Variants in ZDHHC14 observed in about 807,000 individuals in gnomAD.
ZDHHC14 encodes the protein palmitoyltransferase ZDHHC14.
A neutral mutation model predicts 47.7 loss-of-function variants in ZDHHC14; 16 were observed. The ratio of observed to expected loss-of-function variants is 0.34; its 90% CI spans 0.23 to 0.51. ZDHHC14 has a LOEUF of 0.51. ZDHHC14 is among the 20% of genes least tolerant of loss of function. ZDHHC14 has a pLI of 0.97. For synonymous variants in ZDHHC14, 293 were observed against 278.9 expected, an observed-to-expected ratio of 1.05 and a Z score of -0.50; for missense variants, 515 against 662.5, an observed-to-expected ratio of 0.78 and a Z score of 2.44.
Position 157,653,592 on chromosome 6 carries a change from A to G in ZDHHC14, c.1033A>G (p.Thr345Ala). 1 of 1,613,928 alleles carries G rather than the reference A, an allele frequency of 6.2e-7. No homozygotes were observed. The highest frequency in any genetic ancestry group is 1.7e-5 in the Admixed American group (1 of 60,024). ...GCCAGCAGCACCCTCCAATGGCATC[A>G]CCATGTACGGGGCCACGCAGTCACA... ...PQPAAPSNGI[T>A]MYGATQSQSD... The change falls in exon 8 of 9, where the codon ACC becomes GCC. Residue 345 changes from threonine (T) to alanine (A), a missense_variant. By Grantham distance (58) the Thr-to-Ala change is moderately conservative. Coordinates refer to ENST00000359775, the MANE Select transcript of ZDHHC14 (RefSeq NM_024630.3).
chr6:157,653,460 T>G (rs1321220300), intron 7 of ZDHHC14, 65 bp from the exon 8 acceptor site: 1 of 1,563,802 alleles, frequency 6.4e-7, no homozygotes, highest in East Asian at 2.3e-5. Flanking sequence ...GAACCTGAGA[T>G]AGTGCTGCTG....
chr6:157,516,045 G>C (rs886692401), intron 1 of ZDHHC14, among the ~76,000 whole-genome samples: 1 of 152,262 alleles, frequency 6.6e-6, no homozygotes. Flanking sequence ...ACTACCTCCA[G>C]AGTAACCGCT....
At chr6:157,552,263 T>G (rs1782263701) in intron 2 of ZDHHC14, among the ~76,000 whole-genome samples, 1 of 151,678 alleles carries the variant, frequency 6.6e-6, no homozygotes, top group South Asian at 2.1e-4. Flanking sequence ...TTTGAGTGAG[T>G]GAGGGAGTGA....
intron 5 of ZDHHC14, among the ~76,000 whole-genome samples, chr6:157,638,516 G>A (rs1289522037): frequency 1.3e-5 from 2 of 152,044 alleles, no homozygotes; most frequent in Non-Finnish European, 2.9e-5. Flanking sequence ...AAAGGGACTG[G>A]GCCCTCTGTC....
At chr6:157,479,658 G>A (rs1779575194) in intron 1 of ZDHHC14, among the ~76,000 whole-genome samples, 1 of 152,252 alleles carries the variant, frequency 6.6e-6, no homozygotes, top group South Asian at 2.1e-4. Flanking sequence ...AACAGAAGTG[G>A]CATGGAGGTG....
intron 4 of ZDHHC14, chr6:157,630,329 G>A: frequency 6.6e-6 from 1 of 152,090 alleles, no homozygotes; most frequent in Non-Finnish European, 1.5e-5. Context: ...ATGCTTTTGT[G>A]TGTATTATGG....
At chr6:157,543,884 C>A (rs902708669) in intron 2 of ZDHHC14, among the ~76,000 whole-genome samples, 2 of 152,204 alleles carry the variant, frequency 1.3e-5, no homozygotes, top group African/African-American at 4.8e-5. Context: ...CAAGACAGGG[C>A]ATGCTAGTGC....
chr6:157,534,149 T>G (rs1253809575), intron 1 of ZDHHC14, among the ~76,000 whole-genome samples: 1 of 152,080 alleles, frequency 6.6e-6, no homozygotes, highest in Non-Finnish European at 1.5e-5. Context: ...CAGCTAAACC[T>G]TAGAATGCTG....
intron 5 of ZDHHC14, among the ~76,000 whole-genome samples, chr6:157,633,587 T>C (rs1776819669): frequency 6.6e-6 from 1 of 152,222 alleles, no homozygotes; most frequent in African/African-American, 2.4e-5. Flanking sequence ...GACCCAGTTC[T>C]CTTTCTTCCT....
In ZDHHC14 at chr6:157,381,223, C is replaced by G. The variant is rs1231379387; in HGVS notation, c.-799C>G. ...CAAACAAGTGTCTGTGCTGTGTCCC[C>G]GCGGCCCTCCTCGCGCCGGGGCCGC... On this transcript the variant is annotated 5_prime_UTR_variant, in exon 1 of 9. Coordinates refer to ENST00000359775, the MANE Select transcript of ZDHHC14 (RefSeq NM_024630.3). 6.6e-6 allele frequency: 1 copy of G among 151,310 alleles called. No homozygotes were observed. Among genetic ancestry groups the G allele is most frequent in the Non-Finnish European group, 1.5e-5 (1 of 67,818 alleles). 9.4% of individuals were successfully genotyped at this position (151,310 alleles called of 1,614,324 possible).
chr6:157,451,241 G>T (rs1448304538), intron 1 of ZDHHC14, among the ~76,000 whole-genome samples: 1 of 152,192 alleles, frequency 6.6e-6, no homozygotes, highest in Non-Finnish European at 1.5e-5. Context: ...ATCAATATCA[G>T]AAATAATAAC....
At chr6:157,423,787 C>A (rs776165273) in intron 1 of ZDHHC14, among the ~76,000 whole-genome samples, 2 of 152,214 alleles carry the variant, frequency 1.3e-5, no homozygotes, top group African/African-American at 4.8e-5. Context: ...TCTCACCACT[C>A]CAGGTGCCAT....
chr6:157,591,054 A>G (rs774288914), intron 2 of ZDHHC14, among the ~76,000 whole-genome samples: 50 of 152,216 alleles, frequency 3.3e-4, no homozygotes, highest in Non-Finnish European at 7.3e-5. Context: ...CATTTGGAAC[A>G]GGTTTATTTT....
At chr6:157,626,905 G>C (rs1188124427) in intron 3 of ZDHHC14, among the ~76,000 whole-genome samples, 1 of 150,436 alleles carries the variant, frequency 6.6e-6, no homozygotes, top group Non-Finnish European at 1.5e-5. Flanking sequence ...GGGGGGCGGC[G>C]GGGGCAGCAA....
At position 157,639,835 on chromosome 6, in the gene ZDHHC14, G is replaced by A. The variant is rs554426370; in HGVS notation, c.753-5902G>A. ...ACAGCTAGTGCCAATTTGGGGAGCC[G>A]TGGTGAGTTCTGTCTAAGATATGTT... is the stretch of plus-strand genomic sequence containing the variant. On this transcript the variant is annotated intron_variant, in intron 5 of 8. Transcript: ENST00000359775. Among the ~76,000 whole-genome samples the A allele has an allele frequency of 2.6e-5, 4 of 152,300 alleles. No individual in the cohort carries two copies. The South Asian group carries it at 6.2e-4, about 24-fold the overall frequency.
chr6:157,510,287 A>G (rs1780432257), intron 1 of ZDHHC14, among the ~76,000 whole-genome samples: 1 of 152,174 alleles, frequency 6.6e-6, no homozygotes, highest in Non-Finnish European at 1.5e-5. Flanking sequence ...TCCCTACTTC[A>G]GCTGCACACT....
chr6:157,628,941 CCA>C (rs1211639917), intron 4 of ZDHHC14, among the ~76,000 whole-genome samples: 8 of 152,186 alleles, frequency 5.3e-5, no homozygotes, highest in African/African-American at 1.7e-4. Flanking sequence ...AGAACAGTCA[CCA>C]GTCACCCTCC....
intron 8 of ZDHHC14, among the ~76,000 whole-genome samples, chr6:157,665,761 C>G (rs1365496032): frequency 6.6e-6 from 1 of 152,094 alleles, no homozygotes; most frequent in African/African-American, 2.4e-5. Context: ...TTAGTGTATC[C>G]TCTCTCACAA....
Position 157,653,532 on chromosome 6 carries a change from G to A in ZDHHC14, c.973G>A (p.Asp325Asn), listed in dbSNP as rs762106742. 9.9e-6 allele frequency: 16 copies of A among 1,613,490 alleles called. No homozygotes were observed. The highest frequency in any genetic ancestry group is 5.3e-5 in the African/African-American group (4 of 74,872). The change falls in exon 8 of 9, where the codon GAC becomes AAC. Residue 325 changes from aspartate to asparagine, a missense_variant. This residue lies in a region of ZDHHC14 where 229 missense variants were observed against 351.5 expected (regional missense o/e 0.65). Transcript: ENST00000359775. ...LCGPISPSLI[D>N]RRGYIQPDTP... ...TTTTCTTTTCTCTCGCAGCCTGATC[G>A]ACAGAAGAGGGTACATCCAGCCCGA...
Sources: allele counts gnomAD v4.1 joint callset (sites outside exome capture counted in the v4.1 genomes callset), GRCh38; gene constraint gnomAD v4.1.1; regional missense constraint gnomAD v4.1.1; transcripts MANE v1.5; gene names NCBI Gene and HGNC (gene_info 2026-07-23, HGNC 2026-07-21).